Variants in PCDH11X observed in about 807,000 individuals in gnomAD.
PCDH11X encodes the protein protocadherin 11 X-linked.
A neutral mutation model predicts 53.3 loss-of-function variants in PCDH11X; 18 were observed. The observed-to-expected ratio is 0.34, with a 90% CI of 0.23 to 0.50. PCDH11X has a LOEUF of 0.50. Among genes scored for constraint, PCDH11X ranks in the 20% least tolerant of loss-of-function variants. The pLI, the probability that PCDH11X is intolerant of heterozygous loss-of-function variation, is 0.98. For synonymous variants in PCDH11X, 279 were observed against 393.3 expected (o/e 0.71, Z 3.44); for missense variants, 570 against 1,032.4 (o/e 0.55, Z 6.14).
At chrX:92,161,383 C>A (rs895471859) in intron 6 of PCDH11X, among the ~76,000 whole-genome samples, 1 of 111,635 alleles carries the variant, frequency 9.0e-6, no homozygotes, top group Non-Finnish European at 1.9e-5. Flanking sequence ...GCTGACAAAT[C>A]GGCTGTTAAT....
chrX:92,255,603 G>A (rs1207924256), intron 7 of PCDH11X, among the ~76,000 whole-genome samples: 1 of 107,787 alleles, frequency 9.3e-6, no homozygotes, highest in African/African-American at 3.4e-5. Context: ...TGATGGTGAT[G>A]TACAGATGGG....
intron 9 of PCDH11X, among the ~76,000 whole-genome samples, chrX:92,406,221 G>A (rs2071511409): frequency 9.1e-6 from 1 of 109,704 alleles, no homozygotes; most frequent in Non-Finnish European, 1.9e-5. Context: ...CTATACACAA[G>A]TGTTGATGTC....
intron 6 of PCDH11X, among the ~76,000 whole-genome samples, chrX:92,088,285 T>C (rs1332935523): frequency 2.7e-5 from 3 of 111,552 alleles, no homozygotes; most frequent in Middle Eastern, 4.6e-3. Flanking sequence ...TGTAGCAGTT[T>C]ATTCTCATTT....
intron 8 of PCDH11X, among the ~76,000 whole-genome samples, chrX:92,265,043 G>A (rs1290501061): frequency 1.8e-5 from 2 of 109,204 alleles, no homozygotes; most frequent in Non-Finnish European, 3.8e-5. Context: ...GGTCAAGAAG[G>A]GTAAGCAAGC....
Position 92,498,532 on chromosome X carries a change from T to TA in PCDH11X, c.3367+30219dup, listed in dbSNP as rs758928204. Among the ~76,000 whole-genome samples, 23 of 109,037 alleles carry TA rather than the reference T, an allele frequency of 2.1e-4. No individual in the cohort carries two copies. In the East Asian group the frequency reaches 4.9e-3, roughly 23 times the overall value. The allele number at this position is 109,037 out of a possible 115,157, so 94.7% of individuals were successfully genotyped here. A position where few individuals can be genotyped will look rare whatever the true frequency, so the allele number is the denominator to read the frequency against. ...ATTCTGCTGCCCAGTTTCTTAAAAC[T>TA]AAAAAAAAATCATGACAAAAGAATG... On this transcript the variant is annotated intron_variant, in intron 10 of 10. Coordinates refer to ENST00000682573, the MANE Select transcript of PCDH11X (RefSeq NM_032968.5).
intron 6 of PCDH11X, among the ~76,000 whole-genome samples, chrX:92,059,201 A>T (rs2063492704): frequency 9.2e-6 from 1 of 108,734 alleles, no homozygotes. Flanking sequence ...TAAACATAGT[A>T]GAAATTTGAT....
chrX:92,227,595 C>A (rs926979888), intron 7 of PCDH11X, among the ~76,000 whole-genome samples: 2 of 111,297 alleles, frequency 1.8e-5, no homozygotes, highest in African/African-American at 6.5e-5. Flanking sequence ...ATTGCTGCAG[C>A]CCTTTACAAA....
At chrX:92,056,834 G>T (rs1437098913) in intron 6 of PCDH11X, among the ~76,000 whole-genome samples, 1 of 109,148 alleles carries the variant, frequency 9.2e-6, no homozygotes, top group Non-Finnish European at 1.9e-5. Flanking sequence ...ACACATGCAG[G>T]AATTTAATAT....
At chrX:92,508,788 T>G (rs1363887675) in intron 10 of PCDH11X, among the ~76,000 whole-genome samples, 1 of 108,945 alleles carries the variant, frequency 9.2e-6, no homozygotes, top group Non-Finnish European at 1.9e-5. Flanking sequence ...GCACATGCAA[T>G]TTTCTTATTT....
intron 1 of PCDH11X, among the ~76,000 whole-genome samples, chrX:91,799,218 C>T (rs1935844892): frequency 9.1e-6 from 1 of 110,146 alleles, no homozygotes; most frequent in African/African-American, 3.3e-5. Context: ...AATCCATGAC[C>T]TCCTAAACAC....
intron 6 of PCDH11X, among the ~76,000 whole-genome samples, chrX:92,163,198 C>A (rs1162132233): frequency 9.1e-6 from 1 of 110,268 alleles, no homozygotes; most frequent in African/African-American, 3.3e-5. Flanking sequence ...CCCGCCAAAA[C>A]AGTGCTGAGT....
rs1928524261 is a variant in PCDH11X at position 92,621,790 on chromosome X, A to C, written c.*2850A>C. On this transcript the variant is annotated 3_prime_UTR_variant, in exon 11 of 11. Coordinates refer to ENST00000682573, the MANE Select transcript of PCDH11X (RefSeq NM_032968.5). Reference sequence around the variant, plus strand: ...GTCTTACTGAACCAACAATCAAAAAATGGTTCTGTTTTAAAAAGGATTTTG... The same window carrying C: ...GTCTTACTGAACCAACAATCAAAAACTGGTTCTGTTTTAAAAAGGATTTTG... 8.9e-6 allele frequency: 1 copy of C among 111,865 alleles called. No homozygotes were observed. Among genetic ancestry groups the C allele is most frequent in the African/African-American group, 3.3e-5 (1 of 30,756 alleles). The allele number at this position is 111,865 out of a possible 1,213,427, so 9.2% of individuals were successfully genotyped here.
chrX:92,592,300 T>C (rs1925110757), intron 10 of PCDH11X, among the ~76,000 whole-genome samples: 1 of 96,398 alleles, frequency 1.0e-5, no homozygotes. Flanking sequence ...AATTTTCTTT[T>C]ATCTGAACTA....
At chrX:92,043,074 T>G (rs1351303645) in intron 6 of PCDH11X, among the ~76,000 whole-genome samples, 1 of 109,625 alleles carries the variant, frequency 9.1e-6, no homozygotes, top group East Asian at 3.0e-4. Flanking sequence ...CCTAGCTTTC[T>G]ACTTGAAAGA....
In PCDH11X at chrX:92,176,543, C is replaced by T. The variant is rs756713791; in HGVS notation, c.3034-24832C>T. 2.1e-4 allele frequency among the ~76,000 whole-genome samples: 24 copies of T among 112,135 alleles called. 1 individual carries two copies. In the East Asian group the frequency reaches 6.5e-3, roughly 30 times the overall value. Reference sequence around the variant, plus strand: ...AATTTTATACGTTAACCCTTGTATACTTGATCATAAAACCATTTCTAGTTC... The same window carrying T: ...AATTTTATACGTTAACCCTTGTATATTTGATCATAAAACCATTTCTAGTTC... On this transcript the variant is annotated intron_variant, in intron 6 of 10. Transcript: ENST00000682573.
At chrX:92,176,624 A>T (rs747597435) in intron 6 of PCDH11X, among the ~76,000 whole-genome samples, 1 of 112,340 alleles carries the variant, frequency 8.9e-6, no homozygotes, top group East Asian at 2.8e-4. Context: ...CCTCCTTCAT[A>T]CAAGGATATA....
chrX:92,128,461 G>A (rs886499120), intron 6 of PCDH11X, among the ~76,000 whole-genome samples: 7 of 105,566 alleles, frequency 6.6e-5, no homozygotes, highest in African/African-American at 1.4e-4. Flanking sequence ...CCAATGACAC[G>A]ATCTCGGCTC....
At chrX:92,604,998 T>C (rs1926638537) in intron 10 of PCDH11X, among the ~76,000 whole-genome samples, 1 of 91,398 alleles carries the variant, frequency 1.1e-5, no homozygotes, top group Non-Finnish European at 2.0e-5. Flanking sequence ...TATTTCTATA[T>C]TTGTTTTTCA....
chrX:91,843,099 A>G (rs1373693407), intron 5 of PCDH11X, among the ~76,000 whole-genome samples: 1 of 106,437 alleles, frequency 9.4e-6, no homozygotes. Context: ...TTTAACACAT[A>G]TTTAATGAGT....
Sources: gnomAD v4.1 joint callset for allele counts (sites outside exome capture counted in the v4.1 genomes callset) on GRCh38, gnomAD v4.1.1 for gene constraint, MANE v1.5 for transcripts, NCBI Gene and HGNC (gene_info 2026-07-23, HGNC 2026-07-21) for gene names.